The following ASTN2 variants were observed in gnomAD, a reference collection of about 807,000 sequenced individuals.
The protein encoded by ASTN2 is astrotactin-2.
A neutral mutation model predicts 139.8 loss-of-function variants in ASTN2; 54 were observed. That is an observed-to-expected ratio of 0.39 (90% CI 0.31 to 0.48). The LOEUF (loss-of-function observed/expected upper bound fraction) is 0.48. Among genes scored for constraint, ASTN2 ranks in the 20% least tolerant of loss-of-function variants. ASTN2 has a pLI of 0.95. For missense variants in ASTN2, 1,565 were observed against 1,725.1 expected (o/e 0.91, Z 1.64); for synonymous variants, 756 against 719.5 (o/e 1.05, Z -0.81).
At chr9:116,831,541 T>C (rs1174097410) in intron 11 of ASTN2, among the ~76,000 whole-genome samples, 1 of 152,054 alleles carries the variant, frequency 6.6e-6, no homozygotes, top group Non-Finnish European at 1.5e-5. Flanking sequence ...TCTCATAGAA[T>C]TTACATTCTA....
chr9:116,886,447 C>G (rs1242528551), intron 10 of ASTN2, among the ~76,000 whole-genome samples: 1 of 152,196 alleles, frequency 6.6e-6, no homozygotes, highest in Admixed American at 6.5e-5. Flanking sequence ...CGATCACACA[C>G]TGAAGGCTCT....
chr9:116,434,077 ATTAG>A (rs1265143667), intron 22 of ASTN2, among the ~76,000 whole-genome samples: 2 of 152,136 alleles, frequency 1.3e-5, no homozygotes, highest in Non-Finnish European at 2.9e-5. Context: ...TTTTGTTAGT[ATTAG>A]TTAGTTGGTA....
intron 10 of ASTN2, among the ~76,000 whole-genome samples, chr9:116,874,912 T>C (rs1231726283): frequency 1.3e-5 from 2 of 152,172 alleles, no homozygotes; most frequent in South Asian, 2.1e-4. Flanking sequence ...CAAAATTGTG[T>C]TATTATTATA....
intron 12 of ASTN2, 123 bp downstream of exon 12, chr9:116,820,494 G>C: frequency 7.8e-7 from 1 of 1,281,414 alleles, no homozygotes; most frequent in Non-Finnish European, 1.1e-6. Flanking sequence ...AACAGGAAAG[G>C]CAGAAAGGCC....
intron 20 of ASTN2, among the ~76,000 whole-genome samples, chr9:116,463,664 A>G (rs17220338): frequency 0.19 from 29,285 of 152,114 alleles, 3,428 homozygotes; most frequent in Middle Eastern, 0.29. Context: ...TAGTTTTAGT[A>G]TGGAAAAGAA....
At chr9:116,775,025 T>C (rs1225889822) in intron 13 of ASTN2, among the ~76,000 whole-genome samples, 4 of 152,188 alleles carry the variant, frequency 2.6e-5, no homozygotes, top group African/African-American at 4.8e-5. Context: ...AAGCCATCAT[T>C]ACTGCAGCCA....
chr9:116,803,502 ATATATATATATATATATATATTTTT>A (rs1199116748), intron 13 of ASTN2, among the ~76,000 whole-genome samples: 3 of 8,340 alleles, frequency 3.6e-4, no homozygotes, highest in East Asian at 0.017. Flanking sequence ...ATATATATAT[ATATATATATATATATATATATTTTT>A]TTTTTTTTTT....
At chr9:116,977,492 C>G (rs1357284734) in intron 7 of ASTN2, among the ~76,000 whole-genome samples, 2 of 151,878 alleles carry the variant, frequency 1.3e-5, no homozygotes, top group Non-Finnish European at 2.9e-5. Context: ...TTTTTTCTGG[C>G]CATGCCTTAC....
At chr9:117,328,310 TAGAATGTGC>T (rs1828587245) in intron 1 of ASTN2, among the ~76,000 whole-genome samples, 1 of 152,042 alleles carries the variant, frequency 6.6e-6, no homozygotes, top group Non-Finnish European at 1.5e-5. Context: ...GAAGATAGTA[TAGAATGTGC>T]AGAATCTCTC....
At chr9:116,831,105 T>C (rs900385331) in intron 11 of ASTN2, among the ~76,000 whole-genome samples, 2 of 151,974 alleles carry the variant, frequency 1.3e-5, no homozygotes, top group African/African-American at 2.4e-5. Flanking sequence ...GAAAGTCAAA[T>C]ATGACATGTT....
intron 10 of ASTN2, among the ~76,000 whole-genome samples, chr9:116,886,044 C>T (rs950564733): frequency 1.4e-4 from 22 of 152,360 alleles, no homozygotes; most frequent in Non-Finnish European, 3.1e-4. Flanking sequence ...GAGAAGACCT[C>T]AGGACTGATC....
At chr9:116,846,654 A>G (rs1197929713) in intron 11 of ASTN2, among the ~76,000 whole-genome samples, 3 of 152,184 alleles carry the variant, frequency 2.0e-5, no homozygotes, top group Non-Finnish European at 2.9e-5. Flanking sequence ...ACAGGTTACC[A>G]TCCTTGCTTT....
intron 5 of ASTN2, among the ~76,000 whole-genome samples, chr9:117,060,689 C>T (rs572381441): frequency 1.1e-4 from 16 of 151,652 alleles, no homozygotes; most frequent in Non-Finnish European, 1.8e-4. Flanking sequence ...GTCAGGAGAT[C>T]GAGATCATCC....
chr9:116,897,263 G>T (rs1833901029), intron 10 of ASTN2, among the ~76,000 whole-genome samples: 1 of 152,192 alleles, frequency 6.6e-6, no homozygotes, highest in Non-Finnish European at 1.5e-5. Flanking sequence ...CAAGCTCTGT[G>T]CTCTGTGACG....
intron 17 of ASTN2, among the ~76,000 whole-genome samples, chr9:116,643,735 CA>C (rs1440128921): frequency 6.6e-6 from 1 of 152,164 alleles, no homozygotes; most frequent in Non-Finnish European, 1.5e-5. Context: ...TCTTCATCAT[CA>C]AAAAACTTGC....
chr9:116,762,086 C>T (rs184569491), intron 13 of ASTN2, among the ~76,000 whole-genome samples: 1 of 152,288 alleles, frequency 6.6e-6, no homozygotes, highest in East Asian at 1.9e-4. Context: ...CAGTGAAGAA[C>T]TAATGAGATA....
At chr9:116,968,518 G>A (rs1836084056) in intron 10 of ASTN2, among the ~76,000 whole-genome samples, 1 of 152,150 alleles carries the variant, frequency 6.6e-6, no homozygotes, top group African/African-American at 2.4e-5. Context: ...GGAGAGAAAA[G>A]AGCATGCATG....
At chr9:117,183,505 A>G (rs1181132470) in intron 3 of ASTN2, among the ~76,000 whole-genome samples, 2 of 152,200 alleles carry the variant, frequency 1.3e-5, no homozygotes, top group African/African-American at 4.8e-5. Flanking sequence ...TCGGGTATCC[A>G]CATCCTTATT....
intron 7 of ASTN2, among the ~76,000 whole-genome samples, chr9:116,986,160 G>GCCCCCCCCCCCCCCCCC (rs34143043): frequency 6.1e-5 from 8 of 131,920 alleles, no homozygotes; most frequent in Admixed American, 1.6e-4. Context: ...TGTCCAGGCT[G>GCCCCCCCCCCCCCCCCC]CCCCCCCCCA....
Sources: gnomAD v4.1 joint callset for allele counts (sites outside exome capture counted in the v4.1 genomes callset) on GRCh38, gnomAD v4.1.1 for gene constraint, MANE v1.5 for transcripts, NCBI Gene and HGNC (gene_info 2026-07-23, HGNC 2026-07-21) for gene names.